The following UVSSA variants were observed in gnomAD, a reference collection of about 807,000 sequenced individuals.
UVSSA encodes UV-stimulated scaffold protein A.
Under a neutral mutation model 73.9 loss-of-function variants are expected in UVSSA, and 72 were observed. The ratio of observed to expected loss-of-function variants is 0.97; its 90% CI spans 0.81 to 1.19. UVSSA has a LOEUF of 1.19. Ranked by LOEUF, UVSSA falls within the 50% of genes most tolerant of loss-of-function variation. UVSSA has a pLI of 0.00. For missense variants in UVSSA, 1,150 were observed against 965.0 expected (o/e 1.19, Z -2.54); for synonymous variants, 454 against 391.3 (o/e 1.16, Z -1.89).
chr4:1,345,836 G>A (rs1713622317), upstream of UVSSA, among the ~76,000 whole-genome samples: 1 of 151,996 alleles, frequency 6.6e-6, no homozygotes, highest in Non-Finnish European at 1.5e-5. Flanking sequence ...TAGTATGGGA[G>A]AAACGGCACC....
intron 7 of UVSSA, among the ~76,000 whole-genome samples, chr4:1,361,785 CAT>C (rs371956489): frequency 8.6e-5 from 13 of 151,822 alleles, no homozygotes; most frequent in Non-Finnish European, 1.6e-4. Flanking sequence ...TTTTTAAACA[CAT>C]AGCCATCAAG....
At chr4:1,353,465 T>TAGGCTCCTCCCTCACTGGCACCCGGCC (rs1715130431) in intron 5 of UVSSA, 52 bp downstream of exon 5, 1 of 1,435,816 alleles carries the variant, frequency 7.0e-7, no homozygotes, top group Non-Finnish European at 9.1e-7. Context: ...GGCTCCCGGG[T>TAGGCTCCTCCCTCACTGGCACCCGGCC]AGGCTCCTCC....
intron 12 of UVSSA, 129 bp from the exon 13 acceptor site, chr4:1,383,637 G>A (rs1485377316): frequency 9.5e-7 from 1 of 1,053,998 alleles, no homozygotes; most frequent in South Asian, 1.4e-5. Flanking sequence ...CTGCTGCCAG[G>A]GTACGGCCGT....
intron 8 of UVSSA, among the ~76,000 whole-genome samples, chr4:1,367,953 C>G (rs1717549501): frequency 1.3e-5 from 2 of 152,264 alleles, no homozygotes; most frequent in Admixed American, 1.3e-4. Flanking sequence ...CATGAGGGCC[C>G]TGGGGGTGCC....
At position 1,375,257 on chromosome 4, in the gene UVSSA, A is replaced by G. The variant is rs1001472643; in HGVS notation, c.1289-107A>G. On this transcript the variant is annotated intron_variant, in intron 8 of 13. Transcript: ENST00000389851. The stretch of plus-strand genomic sequence containing the variant: ...AGGCACCCACCTCGGGACTGTTGGA[A>G]GATGGAACACGCTAACGCATAGGCG... 4.6e-6 allele frequency: 7 copies of G among 1,530,990 alleles called. No individual in the cohort carries two copies. The African/African-American group carries it at 9.5e-5, about 21-fold the overall frequency. 94.8% of individuals were successfully genotyped at this position (1,530,990 alleles called of 1,614,324 possible).
chr4:1,353,794 T>G (rs1288735401), intron 5 of UVSSA, among the ~76,000 whole-genome samples: 1 of 152,120 alleles, frequency 6.6e-6, no homozygotes. Context: ...GGGCATCCCG[T>G]CAGCTCACAG....
At chr4:1,380,505 G>C in intron 11 of UVSSA, 9 of 880,970 alleles carry the variant, frequency 1.0e-5, no homozygotes, top group Non-Finnish European at 1.5e-5. Flanking sequence ...ATCCTCCATG[G>C]TTGCAGCCCG....
At chr4:1,390,058 G>T (rs1474201218), downstream of UVSSA, 1 of 151,974 alleles carries the variant, frequency 6.6e-6, no homozygotes, top group Non-Finnish European at 1.5e-5. Flanking sequence ...TTCTTAAGAT[G>T]GAAAATTAGC....
At chr4:1,379,594 ACCG>A (rs1719193633) in intron 10 of UVSSA, among the ~76,000 whole-genome samples, 1 of 152,100 alleles carries the variant, frequency 6.6e-6, no homozygotes, top group Non-Finnish European at 1.5e-5. Context: ...TGGGTGTGCT[ACCG>A]CCCTGTCCTT....
In UVSSA at chr4:1,354,761, G is replaced by T; in HGVS notation, c.961G>T (p.Asp321Tyr). ...SEGLKVQENE[D>Y]NLALIHAARD... ...GGGCCTGAAGGTGCAGGAGAACGAG[G>T]ACAACCTTGCTCTCATCCACGCCGC... The change falls in exon 6 of 14, where the codon GAC becomes TAC. Residue 321 changes from aspartate to tyrosine, a missense_variant. By Grantham distance (160) the Asp-to-Tyr change is radical (BLOSUM62 -3). Transcript: ENST00000389851. The T allele has an allele frequency of 4.3e-6, 7 of 1,613,600 alleles. No homozygotes were observed. The highest frequency in any genetic ancestry group is 5.9e-6 in the Non-Finnish European group (7 of 1,179,946).
At chr4:1,381,569 GCCCTGCCTCCCCTCGGGCCCATCTGCCCA>G (rs1252726125) in intron 12 of UVSSA, among the ~76,000 whole-genome samples, 2 of 151,944 alleles carry the variant, frequency 1.3e-5, no homozygotes, top group Non-Finnish European at 2.9e-5. Context: ...CCATCTGCCC[GCCCTGCCTCCCCTCGGGCCCATCTGCCCA>G]CCCTGCATAT....
At chr4:1,375,650 G>A (rs1239435591) in intron 9 of UVSSA, 142 bp downstream of exon 9, 40 of 1,340,414 alleles carry the variant, frequency 3.0e-5, no homozygotes, top group Non-Finnish European at 3.7e-5. Flanking sequence ...CCCCCGGCCG[G>A]GTGAGCAGTG....
Position 1,379,908 on chromosome 4 carries a change from G to GTCC in UVSSA, c.1569-138_1569-137insCCT, listed in dbSNP as rs200377222. The stretch of plus-strand genomic sequence containing the variant: ...TTCAGACCCAGCCGGGAGTGACCGT[G>GTCC]TTCTCCCTGGGTGCTGTCCACAGTG... On this transcript the variant is annotated intron_variant, in intron 10 of 13. Coordinates refer to ENST00000389851, the MANE Select transcript of UVSSA (RefSeq NM_020894.4). 1.4e-3 allele frequency: 726 copies of GTCC among 526,366 alleles called. 8 individuals are homozygous for GTCC. In the African/African-American group the frequency reaches 0.034, roughly 25 times the overall value. The allele number at this position is 526,366 out of a possible 1,614,324, so 32.6% of individuals were successfully genotyped here.
intron 10 of UVSSA, among the ~76,000 whole-genome samples, chr4:1,378,015 C>G (rs1718983263): frequency 6.6e-6 from 1 of 152,222 alleles, no homozygotes; most frequent in Non-Finnish European, 1.5e-5. Context: ...CTGGCTGGCC[C>G]CTAGCCAGGA....
At chr4:1,388,639 C>G (rs1169858090), downstream of UVSSA, 1 of 152,042 alleles carries the variant, frequency 6.6e-6, no homozygotes, top group Non-Finnish European at 1.5e-5. Flanking sequence ...TTACCTTCTC[C>G]TCCTAGTTTG....
chr4:1,393,563 A>C (rs1720453789), exon 14 of UVSSA: 1 of 137,630 alleles, frequency 7.3e-6, no homozygotes, highest in Admixed American at 7.6e-5. Context: ...AAAACTAGAT[A>C]GATAGATAGA....
chr4:1,376,983 C>G lies in UVSSA; in HGVS notation c.1568+815C>G, dbSNP rs193090723. 3.7e-4 allele frequency among the ~76,000 whole-genome samples: 56 copies of G among 152,314 alleles called. 2 individuals carry two copies. The South Asian group carries it at 0.011, about 31-fold the overall frequency. ...TCAAGACCCAGGGCCAGGTGTGACA[C>G]GGAATATTGCCGTCCCCACAGCACC... is the stretch of plus-strand genomic sequence containing the variant. On this transcript the variant is annotated intron_variant, in intron 10 of 13. Coordinates refer to ENST00000389851, the MANE Select transcript of UVSSA (RefSeq NM_020894.4).
At chr4:1,392,203 C>CT (rs2109334005), downstream of UVSSA, 1 of 152,304 alleles carries the variant, frequency 6.6e-6, no homozygotes, top group East Asian at 1.9e-4. Context: ...CTTCAAGTAG[C>CT]TTTGTTTCCT....
chr4:1,380,222 C>A lies in UVSSA; in HGVS notation c.1744C>A (p.Arg582=), dbSNP rs759303724. The change falls in exon 11 of 14, where the codon CGG becomes AGG. Residue 582 remains arginine, a synonymous_variant. Coordinates refer to ENST00000389851, the MANE Select transcript of UVSSA (RefSeq NM_020894.4). The part of the protein sequence containing the change: ...PDGRLCERQD[R]LKCPFHGKIV... The stretch of plus-strand genomic sequence containing the variant: ...CGGCCGGCTCTGTGAGCGCCAAGAC[C>A]GGCTGAAGGTGAGGCCGTGGCCCGA... 1.9e-6 allele frequency: 3 copies of A among 1,610,568 alleles called. No homozygotes were observed. Among genetic ancestry groups the A allele is most frequent in the Admixed American group, 3.3e-5 (2 of 59,918 alleles).
Sources: allele counts gnomAD v4.1 joint callset (sites outside exome capture counted in the v4.1 genomes callset), GRCh38; gene constraint gnomAD v4.1.1; transcripts MANE v1.5; gene names NCBI Gene and HGNC (gene_info 2026-07-23, HGNC 2026-07-21).